The following FNBP1 variants were observed in gnomAD, a reference collection of about 807,000 sequenced individuals.
FNBP1 encodes the protein formin-binding protein 1.
In FNBP1, 26 loss-of-function variants were observed where a neutral mutation model predicts 90.6. That is an observed-to-expected ratio of 0.29 (90% CI 0.21 to 0.40). The LOEUF (loss-of-function observed/expected upper bound fraction) is 0.40, where lower values mean the gene tolerates loss of function less well. Among genes scored for constraint, FNBP1 ranks in the 10% least tolerant of loss-of-function variants. FNBP1 has a pLI of 1.00. For missense variants in FNBP1, 635 were observed against 768.0 expected, an observed-to-expected ratio of 0.83 and a Z score of 2.05; for synonymous variants, 260 against 265.2, an observed-to-expected ratio of 0.98 and a Z score of 0.19.
At chr9:129,909,811 T>C (rs1390802079) in intron 11 of FNBP1, among the ~76,000 whole-genome samples, 1 of 152,032 alleles carries the variant, frequency 6.6e-6, no homozygotes, top group Non-Finnish European at 1.5e-5. Flanking sequence ...TCTCTAACTC[T>C]TGACTTCAGG....
intron 1 of FNBP1, among the ~76,000 whole-genome samples, chr9:130,011,720 A>G (rs555310892): frequency 6.6e-6 from 1 of 152,322 alleles, no homozygotes; most frequent in South Asian, 2.1e-4. Context: ...ATCCACTCTC[A>G]GGTATTTTGT....
At chr9:129,897,308 C>T (rs1588352104) in intron 15 of FNBP1, among the ~76,000 whole-genome samples, 1 of 152,144 alleles carries the variant, frequency 6.6e-6, no homozygotes, top group Non-Finnish European at 1.5e-5. Flanking sequence ...TGCCCACCAC[C>T]CCCCAGTTTT....
chr9:129,926,962 C>T (rs936890445), intron 8 of FNBP1, among the ~76,000 whole-genome samples: 2 of 151,268 alleles, frequency 1.3e-5, no homozygotes, highest in Admixed American at 6.6e-5. Flanking sequence ...AAGCCTTTAC[C>T]TTTTTTCCAG....
At chr9:130,008,904 A>G (rs540919365) in intron 1 of FNBP1, among the ~76,000 whole-genome samples, 5 of 152,220 alleles carry the variant, frequency 3.3e-5, no homozygotes, top group South Asian at 2.1e-4. Flanking sequence ...GGAAAGGAAG[A>G]AAAGAGGGTG....
At chr9:130,029,500 A>C (rs1278527959) in intron 1 of FNBP1, among the ~76,000 whole-genome samples, 1 of 152,230 alleles carries the variant, frequency 6.6e-6, no homozygotes, top group Non-Finnish European at 1.5e-5. Flanking sequence ...GAGAACAAAG[A>C]GTACCTTAAA....
At chr9:129,912,142 C>T (rs1290219661) in intron 11 of FNBP1, among the ~76,000 whole-genome samples, 2 of 152,032 alleles carry the variant, frequency 1.3e-5, no homozygotes, top group African/African-American at 4.8e-5. Context: ...CCCCCAGGAT[C>T]AGCCACTATC....
chr9:130,044,063 A>C (rs1175143479), upstream of FNBP1, among the ~76,000 whole-genome samples: 1 of 152,234 alleles, frequency 6.6e-6, no homozygotes, highest in Non-Finnish European at 1.5e-5. Context: ...TCATTTTATC[A>C]GCAGACGGAC....
At chr9:129,928,638 G>A (rs2132012182) in intron 7 of FNBP1, among the ~76,000 whole-genome samples, 1 of 150,616 alleles carries the variant, frequency 6.6e-6, no homozygotes, top group African/African-American at 2.4e-5. Context: ...TCCAGCCTGG[G>A]TGACAGAGCA....
intron 1 of FNBP1, among the ~76,000 whole-genome samples, chr9:130,012,714 A>G (rs2056776022): frequency 6.6e-6 from 1 of 152,096 alleles, no homozygotes; most frequent in Admixed American, 6.6e-5. Flanking sequence ...ATCTCGGCTC[A>G]CTGCAACCTC....
chr9:129,915,982 T>G lies in FNBP1; in HGVS notation c.1171-2A>C. 6.2e-7 allele frequency: 1 copy of G among 1,607,898 alleles called. No individual in the cohort carries two copies. Among genetic ancestry groups the G allele is most frequent in the Non-Finnish European group, 8.5e-7 (1 of 1,175,232 alleles). ...TGTGCTTACCAGCTTGAGAGAAAGCTTCATGTAAAAATTGGAGAGGTATGG... is the reference window on the plus strand; with the variant it reads ...TGTGCTTACCAGCTTGAGAGAAAGCGTCATGTAAAAATTGGAGAGGTATGG... On this transcript the variant is annotated splice_acceptor_variant, in intron 10 of 16. Transcript: ENST00000446176. LOFTEE classifies it high-confidence loss of function.
At chr9:129,921,557 G>A (rs768376580) in intron 10 of FNBP1, among the ~76,000 whole-genome samples, 13 of 151,444 alleles carry the variant, frequency 8.6e-5, no homozygotes, top group South Asian at 2.1e-4. Context: ...GTAATTAGCC[G>A]GACATTAACC....
chr9:130,033,664 C>T (rs1475623721), intron 1 of FNBP1, among the ~76,000 whole-genome samples: 1 of 150,500 alleles, frequency 6.6e-6, no homozygotes, highest in Non-Finnish European at 1.5e-5. Flanking sequence ...CAGGAAGACC[C>T]CCCCACCTCT....
intron 1 of FNBP1, among the ~76,000 whole-genome samples, chr9:130,023,462 C>A (rs941337167): frequency 6.6e-6 from 1 of 152,156 alleles, no homozygotes; most frequent in Non-Finnish European, 1.5e-5. Context: ...GGGCTAGAGA[C>A]TTCCCCGGCC....
Position 129,895,788 on chromosome 9 carries a change from A to C in FNBP1, c.1846+50T>G, listed in dbSNP as rs377655060. The C allele has an allele frequency of 5.6e-5, 83 of 1,480,086 alleles. No homozygotes were observed. The African/African-American group carries it at 1.1e-3, about 20-fold the overall frequency. The allele number at this position is 1,480,086 out of a possible 1,614,324, so 91.7% of individuals were successfully genotyped here. A position where few individuals can be genotyped will look rare whatever the true frequency, so the allele number is the denominator to read the frequency against. ...CATGGTTGTGGGGAGAAACAACTCC[A>C]TTTTTTTTAAGTTTTTTTTTTTTAT... On this transcript the variant is annotated intron_variant, in intron 16 of 16. Transcript: ENST00000446176.
At chr9:130,001,959 C>G (rs2054916320) in intron 1 of FNBP1, among the ~76,000 whole-genome samples, 2 of 147,492 alleles carry the variant, frequency 1.4e-5, no homozygotes, top group South Asian at 4.3e-4. Flanking sequence ...ACCTTGGAGG[C>G]AGAGGTTGCA....
chr9:129,901,361 A>G (rs939749897), intron 13 of FNBP1, among the ~76,000 whole-genome samples: 1 of 151,702 alleles, frequency 6.6e-6, no homozygotes, highest in Non-Finnish European at 1.5e-5. Flanking sequence ...ACATGGTGAA[A>G]CTCCATCTCC....
At chr9:130,040,693 G>A (rs573546275) in intron 1 of FNBP1, among the ~76,000 whole-genome samples, 2 of 151,114 alleles carry the variant, frequency 1.3e-5, no homozygotes, top group African/African-American at 2.4e-5. Context: ...ATATAGAACT[G>A]TTAACTGATT....
In FNBP1 at chr9:129,979,652, T is replaced by G. The variant is rs558087683; in HGVS notation, c.141-278A>C. Among the ~76,000 whole-genome samples, 12 of 152,324 alleles carry G rather than the reference T, an allele frequency of 7.9e-5. No individual in the cohort carries two copies. In the South Asian group the frequency reaches 2.3e-3, roughly 29 times the overall value. ...GTGTAAATATGCAGTGGCTTTCTTT[T>G]TTTTTGAGACGGAGTCTCATTCTGT... On this transcript the variant is annotated intron_variant, in intron 2 of 16. Coordinates refer to ENST00000446176, the MANE Select transcript of FNBP1 (RefSeq NM_015033.3).
In FNBP1 at chr9:130,031,082, C is replaced by T. The variant is rs147515510; in HGVS notation, c.24+11870G>A. ...AGGAGGCAGAGGGTGGCTCCTAGGC[C>T]TTCTTTGTTCACTACTAGGCCTTCC... On this transcript the variant is annotated intron_variant, in intron 1 of 16. Coordinates refer to ENST00000446176, the MANE Select transcript of FNBP1 (RefSeq NM_015033.3). This position sits in a 1 kb window ranked among gnomAD's most constrained non-coding sequence, Gnocchi z 4.2. 1.8e-3 allele frequency among the ~76,000 whole-genome samples: 279 copies of T among 152,268 alleles called. 3 individuals are homozygous for T. The highest frequency in any genetic ancestry group is 6.5e-3 in the African/African-American group (270 of 41,558).
Sources: gnomAD v4.1 joint callset for allele counts (sites outside exome capture counted in the v4.1 genomes callset) on GRCh38, gnomAD v4.1.1 for gene constraint, Gnocchi (gnomAD v3.1) non-coding constraint, MANE v1.5 for transcripts, NCBI Gene and HGNC (gene_info 2026-07-23, HGNC 2026-07-21) for gene names.